Variants in ARG1 observed in about 807,000 individuals in gnomAD.
The protein encoded by ARG1 is arginase-1.
A neutral mutation model predicts 33.0 loss-of-function variants in ARG1; 20 were observed. That is an observed-to-expected ratio of 0.61 (90% CI 0.43 to 0.88). The LOEUF is 0.88. Among genes scored for constraint, ARG1 ranks in the 40% least tolerant of loss-of-function variants. The probability of loss-of-function intolerance (pLI) is 0.00; values close to 1 mark genes in which losing one functional copy is unlikely to be tolerated. For missense variants in ARG1, 374 were observed against 384.7 expected, an observed-to-expected ratio of 0.97 and a Z score of 0.23; for synonymous variants, 146 against 140.6, an observed-to-expected ratio of 1.04 and a Z score of -0.27.
chr6:131,583,191 T>C (rs1172560790), intron 6 of ARG1, 27 bp downstream of exon 6: 1 of 1,577,112 alleles, frequency 6.3e-7, no homozygotes, highest in East Asian at 2.2e-5. Flanking sequence ...TGTGCACACA[T>C]GTGTGTGCAA....
In ARG1 at chr6:131,584,042, C is replaced by T. The variant is rs958728303; in HGVS notation, c.*134C>T. Reference sequence around the variant, plus strand: ...GTTTTTCCAATTAGTATAAACTCTACAAATTCCCTCTTGGTGTAAAATTCA... The same window carrying T: ...GTTTTTCCAATTAGTATAAACTCTATAAATTCCCTCTTGGTGTAAAATTCA... On this transcript the variant is annotated 3_prime_UTR_variant, in exon 8 of 8. Transcript: ENST00000368087. The T allele has an allele frequency of 4.8e-5, 47 of 971,490 alleles. No individual in the cohort carries two copies. The highest frequency in any genetic ancestry group is 6.4e-5 in the Non-Finnish European group (43 of 673,138). 60.2% of individuals were successfully genotyped at this position (971,490 alleles called of 1,614,324 possible). A position where few individuals can be genotyped will look rare whatever the true frequency, so the allele number is the denominator to read the frequency against.
Position 131,582,604 on chromosome 6 carries a change from A to C in ARG1, c.466-17A>C. The C allele has an allele frequency of 6.9e-6, 11 of 1,600,842 alleles. No individual in the cohort carries two copies. Among genetic ancestry groups the C allele is most frequent in the Non-Finnish European group, 9.4e-6 (11 of 1,168,006 alleles). On this transcript the variant is annotated splice_polypyrimidine_tract_variant and intron_variant, in intron 4 of 7. Coordinates refer to ENST00000368087, the MANE Select transcript of ARG1 (RefSeq NM_000045.4). ...AAGAGAATCATACATAACCAAGTGA[A>C]AACATTGTAATTTTAGATTCCCGAT...
chr6:131,577,627 C>T (rs1773683551), intron 2 of ARG1, among the ~76,000 whole-genome samples: 1 of 151,962 alleles, frequency 6.6e-6, no homozygotes, highest in South Asian at 2.1e-4. Flanking sequence ...ACTGGTCGGG[C>T]ACGGTGGCTG....
At chr6:131,579,557 C>A in intron 3 of ARG1, 1 of 318,586 alleles carries the variant, frequency 3.1e-6, no homozygotes, top group Non-Finnish European at 5.9e-6. Flanking sequence ...CACAAGCTTA[C>A]ATTTCTAAAT....
At chr6:131,579,353 G>T in intron 3 of ARG1, 68 bp downstream of exon 3, 3 of 1,551,120 alleles carry the variant, frequency 1.9e-6, no homozygotes, top group South Asian at 2.3e-5. Flanking sequence ...TAAGAAGAGA[G>T]AAAATTTAGA....
intron 5 of ARG1, 115 bp downstream of exon 5, chr6:131,582,830 C>T: frequency 1.2e-6 from 1 of 868,748 alleles, no homozygotes; most frequent in Non-Finnish European, 1.9e-6. Flanking sequence ...CACACACACA[C>T]ATGCCCACAC....
chr6:131,583,396 T>C lies in ARG1; in HGVS notation c.707T>C (p.Leu236Pro). The C allele has an allele frequency of 1.2e-6, 2 of 1,614,224 alleles. No individual in the cohort carries two copies. The highest frequency in any genetic ancestry group is 1.7e-6 in the Non-Finnish European group (2 of 1,180,012). The part of the protein sequence containing the change: ...PIHLSFDVDG[L>P]DPSFTPATGT... Reference sequence around the variant, plus strand: ...CATCTAAGTTTTGATGTTGACGGACTGGACCCATCTTTCACACCAGCTACT... The same window carrying C: ...CATCTAAGTTTTGATGTTGACGGACCGGACCCATCTTTCACACCAGCTACT... Residue 236 changes from leucine (L) to proline (P), a missense_variant, in exon 7 of 8, where the codon CTG becomes CCG. Physicochemically the swap from Leu to Pro is moderately conservative, Grantham distance 98 (BLOSUM62 -3). Transcript: ENST00000368087.
At chr6:131,573,886 T>C (rs1773488129) in intron 1 of ARG1, 1 of 258,664 alleles carries the variant, frequency 3.9e-6, no homozygotes, top group South Asian at 5.4e-5. Context: ...TGTTCATTCA[T>C]GGACTAGGTA....
At chr6:131,575,463 A>G (rs958415877) in intron 1 of ARG1, among the ~76,000 whole-genome samples, 2 of 152,158 alleles carry the variant, frequency 1.3e-5, no homozygotes, top group Non-Finnish European at 2.9e-5. Context: ...TCAAGCAAAA[A>G]GGGAGTAAAG....
At chr6:131,581,471 T>G in intron 4 of ARG1, 93 bp downstream of exon 4, 1 of 1,387,764 alleles carries the variant, frequency 7.2e-7, no homozygotes. Flanking sequence ...TGTTATCTTA[T>G]TCTTGGTGTA....
rs370022660 is a variant in ARG1, at chr6:131,583,795, C to A, written c.856C>A (p.Pro286Thr). ...MEVNPSLGKT[P>T]EEVTRTVNTA... ...AGTGAACCCATCCCTGGGGAAGACA[C>A]CAGAAGAAGTAACTCGAACAGTGAA... is the stretch of plus-strand genomic sequence containing the variant. The change falls in exon 8 of 8, where the codon CCA becomes ACA. Residue 286 changes from proline to threonine, a missense_variant. By Grantham distance (38) the Pro-to-Thr change is conservative. Transcript: ENST00000368087. 54 of 1,614,030 alleles carry A rather than the reference C, an allele frequency of 3.3e-5. No individual in the cohort carries two copies. In the African/African-American group the frequency reaches 6.1e-4, roughly 18 times the overall value.
chr6:131,579,044 A>T (rs1562356485), intron 2 of ARG1, 67 bp from the exon 3 acceptor site: 1 of 1,551,742 alleles, frequency 6.4e-7, no homozygotes, highest in East Asian at 2.3e-5. Context: ...TACAATTGAG[A>T]TCATCCTACA....
At chr6:131,576,285 A>C (rs1391626171) in intron 1 of ARG1, among the ~76,000 whole-genome samples, 3 of 152,234 alleles carry the variant, frequency 2.0e-5, no homozygotes, top group African/African-American at 7.2e-5. Context: ...AAGCCTTTTC[A>C]TTATTGGATC....
chr6:131,574,028 G>T, intron 1 of ARG1: 1 of 517,700 alleles, frequency 1.9e-6, no homozygotes, highest in African/African-American at 1.9e-5. Context: ...ACAGCCACGA[G>T]CTGTGAATCC....
Position 131,579,122 on chromosome 6 carries a change from A to T in ARG1, c.142A>T (p.Lys48Ter), listed in dbSNP as rs1773783170. 2 of 1,614,132 alleles carry T rather than the reference A, an allele frequency of 1.2e-6. No individual in the cohort carries two copies. Among genetic ancestry groups the T allele is most frequent in the Non-Finnish European group, 8.5e-7 (1 of 1,179,996 alleles). The change falls in exon 3 of 8, where the codon AAG (lysine) becomes TAG (stop). Residue 48 changes from lysine (K) to a stop codon, truncating the protein, a stop_gained. Transcript: ENST00000368087. LOFTEE classifies it high-confidence loss of function. ...CTTTTTAATTTTAGAGTGTGATGTG[A>T]AGGATTATGGGGACCTGCCCTTTGC... ...EKLKEQECDV[K>*]DYGDLPFADI... is the part of the protein sequence containing the mutation.
chr6:131,583,529 C>A (rs759540806), intron 7 of ARG1, 38 bp downstream of exon 7: 16 of 1,604,660 alleles, frequency 1.0e-5, no homozygotes, highest in Admixed American at 1.7e-5. Flanking sequence ...AGCAAGTGTA[C>A]ACTTGACTAA....
At chr6:131,579,553 C>T (rs1017737323) in intron 3 of ARG1, 4 of 321,322 alleles carry the variant, frequency 1.2e-5, no homozygotes, top group African/African-American at 8.6e-5. Flanking sequence ...TCATCACAAG[C>T]TTACATTTCT....
intron 4 of ARG1, 134 bp downstream of exon 4, chr6:131,581,512 G>A: frequency 9.2e-7 from 1 of 1,090,442 alleles, no homozygotes; most frequent in Non-Finnish European, 1.3e-6. Context: ...CAGCCAATAA[G>A]CAAAGGGTTG....
In ARG1 at chr6:131,579,099, T is replaced by G. The variant is rs1773781101; in HGVS notation, c.131-12T>G. On this transcript the variant is annotated splice_polypyrimidine_tract_variant and intron_variant, in intron 2 of 7. Coordinates refer to ENST00000368087, the MANE Select transcript of ARG1 (RefSeq NM_000045.4). ...CTTTTTAATTTAGTAACTCAAAACTTTTTAATTTTAGAGTGTGATGTGAAG... is the reference window on the plus strand; with the variant it reads ...CTTTTTAATTTAGTAACTCAAAACTGTTTAATTTTAGAGTGTGATGTGAAG... 1 of 1,613,806 alleles carries G rather than the reference T, an allele frequency of 6.2e-7. No homozygotes were observed.
Sources: allele counts gnomAD v4.1 joint callset (sites outside exome capture counted in the v4.1 genomes callset), GRCh38; gene constraint gnomAD v4.1.1; transcripts MANE v1.5; gene names NCBI Gene and HGNC (gene_info 2026-07-23, HGNC 2026-07-21).